VWC2L: variants seen among roughly 807,000 people sequenced by gnomAD.
The protein encoded by VWC2L is von Willebrand factor C domain containing 2 like, also known as von Willebrand factor C domain-containing protein 2-like.
Under a neutral mutation model 21.6 loss-of-function variants are expected in VWC2L, and 10 were observed. That is an observed-to-expected ratio of 0.46 (90% CI 0.29 to 0.78). The LOEUF is 0.78. Ranked by LOEUF, VWC2L falls within the 30% of genes least tolerant of loss-of-function variation. The pLI is 0.10. For missense variants in VWC2L, 209 were observed against 277.1 expected (o/e 0.75, Z 1.74); for synonymous variants, 96 against 94.3 (o/e 1.02, Z -0.10).
intron 3 of VWC2L, among the ~76,000 whole-genome samples, chr2:214,495,303 G>C (rs62199323): frequency 0.038 from 5,842 of 152,080 alleles, 162 homozygotes; most frequent in Non-Finnish European, 0.058. Flanking sequence ...TTTTGTTGCT[G>C]AGCCAGTTGT....
chr2:214,501,587 T>G (rs1688891003), intron 3 of VWC2L, among the ~76,000 whole-genome samples: 1 of 151,698 alleles, frequency 6.6e-6, no homozygotes, highest in South Asian at 2.1e-4. Context: ...CAGGGCATGG[T>G]GGTGGGTGCC....
chr2:214,419,681 A>G (rs992283210), intron 2 of VWC2L, among the ~76,000 whole-genome samples: 1 of 152,166 alleles, frequency 6.6e-6, no homozygotes, highest in Non-Finnish European at 1.5e-5. Context: ...ACTATGGGCC[A>G]AAGACAGTGG....
intron 2 of VWC2L, among the ~76,000 whole-genome samples, chr2:214,427,846 T>C (rs1185056895): frequency 6.6e-6 from 1 of 152,190 alleles, no homozygotes; most frequent in Non-Finnish European, 1.5e-5. Flanking sequence ...TTATACTGTA[T>C]TGTTTAGTAA....
chr2:214,485,038 C>T (rs551950651), intron 3 of VWC2L, among the ~76,000 whole-genome samples: 2 of 152,222 alleles, frequency 1.3e-5, no homozygotes, highest in African/African-American at 2.4e-5. Flanking sequence ...TGTATCTGGC[C>T]GGGTGCAGTG....
At chr2:214,437,590 G>A (rs749454766) in intron 3 of VWC2L, among the ~76,000 whole-genome samples, 33 of 152,152 alleles carry the variant, frequency 2.2e-4, no homozygotes, top group Non-Finnish European at 4.0e-4. Flanking sequence ...GCTGGAAAAA[G>A]TGGTTCTAGC....
intron 3 of VWC2L, among the ~76,000 whole-genome samples, chr2:214,545,847 C>T (rs755146281): frequency 4.6e-5 from 7 of 152,106 alleles, no homozygotes; most frequent in Non-Finnish European, 8.8e-5. Flanking sequence ...AATTTGAGAA[C>T]GTGACGGATC....
chr2:214,498,907 A>C (rs919269653), intron 3 of VWC2L, among the ~76,000 whole-genome samples: 2 of 151,416 alleles, frequency 1.3e-5, no homozygotes, highest in African/African-American at 4.8e-5. Flanking sequence ...GAAGACATAG[A>C]GCATATCAGC....
At chr2:214,414,043 A>G in intron 1 of VWC2L, 71 bp from the exon 2 acceptor site, 1 of 841,258 alleles carries the variant, frequency 1.2e-6, no homozygotes, top group Middle Eastern at 3.6e-4. Context: ...ACAGTTTAAG[A>G]GCGTGGGCTT....
intron 3 of VWC2L, among the ~76,000 whole-genome samples, chr2:214,485,600 T>C (rs930683460): frequency 6.6e-6 from 1 of 152,192 alleles, no homozygotes; most frequent in African/African-American, 2.4e-5. Context: ...AAAGGAAAGA[T>C]TCTTCCTGAA....
chr2:214,504,324 G>A (rs12478648), intron 3 of VWC2L, among the ~76,000 whole-genome samples: 152,314 of 152,328 alleles, frequency 1, 76,150 homozygotes, highest in Non-Finnish European at 1. Context: ...ACTTATTAAG[G>A]TGAATCAAAG....
At chr2:214,519,276 T>G (rs1439868286) in intron 3 of VWC2L, among the ~76,000 whole-genome samples, 2 of 152,104 alleles carry the variant, frequency 1.3e-5, no homozygotes, top group Admixed American at 6.5e-5. Context: ...AAGAAAAAAT[T>G]TATGAAGCAC....
chr2:214,506,770 A>G (rs935439352), intron 3 of VWC2L, among the ~76,000 whole-genome samples: 1 of 152,178 alleles, frequency 6.6e-6, no homozygotes, highest in African/African-American at 2.4e-5. Context: ...CATTTAGTTA[A>G]TTATGGAGCC....
chr2:214,541,766 T>C (rs1038878466), intron 3 of VWC2L, among the ~76,000 whole-genome samples: 2 of 152,164 alleles, frequency 1.3e-5, no homozygotes, highest in African/African-American at 4.8e-5. Flanking sequence ...ACATACACAA[T>C]CACAGAGCTT....
At chr2:214,524,959 T>C (rs937343088) in intron 3 of VWC2L, among the ~76,000 whole-genome samples, 2 of 146,048 alleles carry the variant, frequency 1.4e-5, no homozygotes, top group African/African-American at 5.0e-5. Context: ...TTTTTAGAAA[T>C]GTCAAGTACA....
At chr2:214,487,383 G>T (rs963401083) in intron 3 of VWC2L, among the ~76,000 whole-genome samples, 10 of 151,932 alleles carry the variant, frequency 6.6e-5, no homozygotes, top group Non-Finnish European at 1.3e-4. Flanking sequence ...CAGTTGCTGG[G>T]GCTACAGTGG....
At position 214,502,681 on chromosome 2, in the gene VWC2L, T is replaced by C. The variant is rs1688911645; in HGVS notation, c.520+65923T>C. Among the ~76,000 whole-genome samples the C allele has an allele frequency of 2.0e-5, 3 of 152,244 alleles. No homozygotes were observed. In the South Asian group the frequency reaches 6.2e-4, roughly 31 times the overall value. ...TTTCATAATGACGTAAAATTGTTGT[T>C]TTTATGCTTTTCTATCAGTTGCAGT... is the stretch of plus-strand genomic sequence containing the variant. On this transcript the variant is annotated intron_variant, in intron 3 of 3. Coordinates refer to ENST00000312504, the MANE Select transcript of VWC2L (RefSeq NM_001080500.4).
intron 3 of VWC2L, among the ~76,000 whole-genome samples, chr2:214,570,894 A>G (rs535639376): frequency 1.3e-5 from 2 of 152,270 alleles, no homozygotes; most frequent in Non-Finnish European, 2.9e-5. Context: ...CTCCTGAGTT[A>G]TGGGCCACTT....
intron 3 of VWC2L, among the ~76,000 whole-genome samples, chr2:214,482,705 A>G (rs556970701): frequency 6.6e-6 from 1 of 151,254 alleles, no homozygotes; most frequent in Non-Finnish European, 1.5e-5. Context: ...TATAACACCT[A>G]TAATCCCAGC....
chr2:214,553,820 A>G (rs1166380634), intron 3 of VWC2L, among the ~76,000 whole-genome samples: 1 of 152,144 alleles, frequency 6.6e-6, no homozygotes, highest in African/African-American at 2.4e-5. Flanking sequence ...GGGAAGGTCC[A>G]TCAGTTGGCT....
Sources: gnomAD v4.1 joint callset for allele counts (sites outside exome capture counted in the v4.1 genomes callset) on GRCh38, gnomAD v4.1.1 for gene constraint, MANE v1.5 for transcripts, NCBI Gene and HGNC (gene_info 2026-07-23, HGNC 2026-07-21) for gene names.